METTL8: variants seen among roughly 807,000 people sequenced by gnomAD.
METTL8 encodes methyltransferase 8, tRNA N3-cytidine.
A neutral mutation model predicts 48.7 loss-of-function variants in METTL8; 32 were observed. The observed-to-expected ratio is 0.66, with a 90% CI of 0.50 to 0.88. The LOEUF (loss-of-function observed/expected upper bound fraction) is 0.88, where lower values mean the gene tolerates loss of function less well. METTL8 is among the 40% of genes least tolerant of loss of function. METTL8 has a pLI of 0.00. For missense variants in METTL8, 464 were observed against 474.4 expected, an observed-to-expected ratio of 0.98 and a Z score of 0.20; for synonymous variants, 136 against 157.1, an observed-to-expected ratio of 0.87 and a Z score of 1.01.
chr2:171,377,820 A>C (rs1402747191), intron 2 of METTL8, among the ~76,000 whole-genome samples: 1 of 152,200 alleles, frequency 6.6e-6, no homozygotes, highest in Non-Finnish European at 1.5e-5. Flanking sequence ...AACAGTATGG[A>C]GATTCCTTAA....
chr2:171,424,235 C>A (rs1236575510), intron 1 of METTL8, among the ~76,000 whole-genome samples: 2 of 152,204 alleles, frequency 1.3e-5, no homozygotes, highest in African/African-American at 4.8e-5. Context: ...GTGGAGCCCT[C>A]ATGGAGAACC....
chr2:171,434,212 A>C, upstream of METTL8: 5 of 419,932 alleles, frequency 1.2e-5, no homozygotes, highest in East Asian at 7.4e-5. Flanking sequence ...CCTGACGGGA[A>C]TTGTAGTTCC....
intron 9 of METTL8, 35 bp downstream of exon 9, chr2:171,325,806 T>A: frequency 7.8e-7 from 1 of 1,278,578 alleles, no homozygotes. Context: ...CAAGAACGAT[T>A]ATGACCAATT....
intron 1 of METTL8, among the ~76,000 whole-genome samples, chr2:171,409,360 C>T (rs573508495): frequency 1.3e-5 from 2 of 151,938 alleles, no homozygotes. Context: ...CTAAGGGGCA[C>T]CTCTTAAAAC....
intron 2 of METTL8, among the ~76,000 whole-genome samples, chr2:171,389,733 A>G (rs564294935): frequency 6.6e-6 from 1 of 152,280 alleles, no homozygotes; most frequent in South Asian, 2.1e-4. Context: ...CTGCAGAAGA[A>G]AAGTGAAGCT....
chr2:171,385,461 C>G (rs1056556029), intron 2 of METTL8, among the ~76,000 whole-genome samples: 1 of 151,878 alleles, frequency 6.6e-6, no homozygotes, highest in Non-Finnish European at 1.5e-5. Flanking sequence ...GAGAACAAAC[C>G]AGGTTTCGTT....
intron 2 of METTL8, among the ~76,000 whole-genome samples, chr2:171,379,584 C>T (rs1312984362): frequency 1.3e-5 from 2 of 151,990 alleles, no homozygotes; most frequent in Non-Finnish European, 2.9e-5. Context: ...CACCACTGAC[C>T]CACGGAAATA....
intron 2 of METTL8, among the ~76,000 whole-genome samples, chr2:171,369,756 A>C (rs1178586280): frequency 6.6e-6 from 1 of 152,224 alleles, no homozygotes; most frequent in Admixed American, 6.5e-5. Flanking sequence ...TAGAGGAAGT[A>C]AAAATTGGAT....
intron 4 of METTL8, 36 bp from the exon 5 acceptor site, chr2:171,337,538 C>G: frequency 1.3e-6 from 2 of 1,561,198 alleles, no homozygotes; most frequent in Non-Finnish European, 1.7e-6. Context: ...TCAAAAAAAG[C>G]AAGGTTAAAT....
At chr2:171,343,669 T>C (rs1275395574) in intron 3 of METTL8, among the ~76,000 whole-genome samples, 2 of 152,216 alleles carry the variant, frequency 1.3e-5, no homozygotes, top group East Asian at 1.9e-4. Context: ...TAAAGAATCT[T>C]AGCTGAATTC....
chr2:171,336,396 C>CTT (rs146097512), intron 5 of METTL8, among the ~76,000 whole-genome samples: 3 of 80,772 alleles, frequency 3.7e-5, no homozygotes, highest in East Asian at 3.8e-4. Context: ...CGCCCGACTG[C>CTT]TTTTTTTTTT....
intron 7 of METTL8, among the ~76,000 whole-genome samples, chr2:171,327,385 T>G (rs567200725): frequency 5.9e-5 from 9 of 152,244 alleles, no homozygotes; most frequent in African/African-American, 2.2e-4. Flanking sequence ...ATAAAGCTCA[T>G]TGCGAGTTAC....
chr2:171,373,530 G>A (rs1456948608), intron 2 of METTL8, among the ~76,000 whole-genome samples: 1 of 152,146 alleles, frequency 6.6e-6, no homozygotes, highest in Non-Finnish European at 1.5e-5. Context: ...ATTGCTTTTG[G>A]TGTTTTAGAC....
chr2:171,371,647 G>A (rs906721869), intron 2 of METTL8, among the ~76,000 whole-genome samples: 17 of 151,700 alleles, frequency 1.1e-4, no homozygotes, highest in African/African-American at 2.4e-4. Flanking sequence ...GTGAGCCACC[G>A]TGCCCAGCCT....
chr2:171,342,750 G>T (rs1370643718), intron 3 of METTL8, among the ~76,000 whole-genome samples: 1 of 152,170 alleles, frequency 6.6e-6, no homozygotes, highest in African/African-American at 2.4e-5. Flanking sequence ...AGCTACTTGT[G>T]AAGTGTGTTT....
chr2:171,335,298 G>T (rs915367420), intron 5 of METTL8, among the ~76,000 whole-genome samples: 7 of 152,098 alleles, frequency 4.6e-5, no homozygotes, highest in African/African-American at 1.2e-4. Context: ...CTGAGTTTTG[G>T]GAGATATATC....
At chr2:171,332,436 C>A in intron 5 of METTL8, 1 of 152,596 alleles carries the variant, frequency 6.6e-6, no homozygotes, top group East Asian at 1.9e-4. Context: ...AGATGTATGC[C>A]ACTGTGCCTG....
chr2:171,430,133 G>A (rs1017671964), intron 1 of METTL8, among the ~76,000 whole-genome samples: 8 of 151,596 alleles, frequency 5.3e-5, no homozygotes, highest in African/African-American at 1.7e-4. Context: ...CAAAGTGGGC[G>A]GATCATCTGA....
At chr2:171,424,846 G>C (rs1692241391) in intron 1 of METTL8, among the ~76,000 whole-genome samples, 1 of 152,172 alleles carries the variant, frequency 6.6e-6, no homozygotes, top group Admixed American at 6.5e-5. Flanking sequence ...GTGAGGACAT[G>C]AGCTCTGGGA....
Sources: gnomAD v4.1 joint callset for allele counts (sites outside exome capture counted in the v4.1 genomes callset) on GRCh38, gnomAD v4.1.1 for gene constraint, MANE v1.5 for transcripts, NCBI Gene and HGNC (gene_info 2026-07-23, HGNC 2026-07-21) for gene names.